The following ACVR2A variants were observed in gnomAD, a reference collection of about 807,000 sequenced individuals.
ACVR2A encodes activin receptor type-2A.
Under a neutral mutation model 61.4 loss-of-function variants are expected in ACVR2A, and 7 were observed. The ratio of observed to expected loss-of-function variants is 0.11; its 90% CI spans 0.06 to 0.21. The LOEUF (loss-of-function observed/expected upper bound fraction) is 0.21. ACVR2A is among the 10% of genes least tolerant of loss of function. The probability of loss-of-function intolerance (pLI) is 1.00; values close to 1 mark genes in which losing one functional copy is unlikely to be tolerated. For synonymous variants in ACVR2A, 193 were observed against 208.3 expected, an observed-to-expected ratio of 0.93 and a Z score of 0.63; for missense variants, 322 against 621.7, an observed-to-expected ratio of 0.52 and a Z score of 5.13.
At chr2:147,882,670 T>C (rs1304622026) in intron 1 of ACVR2A, among the ~76,000 whole-genome samples, 1 of 152,230 alleles carries the variant, frequency 6.6e-6, no homozygotes, top group Non-Finnish European at 1.5e-5. Context: ...CCACAACATA[T>C]AATGTTTATA....
At chr2:147,848,593 T>A (rs1175405577) in intron 1 of ACVR2A, among the ~76,000 whole-genome samples, 2 of 151,950 alleles carry the variant, frequency 1.3e-5, no homozygotes, top group African/African-American at 2.4e-5. Context: ...TTCCTATAAG[T>A]AGGAGCAAAA....
chr2:147,899,832 C>T lies in ACVR2A; in HGVS notation c.462C>T (p.Val154=). 6.2e-7 allele frequency: 1 copy of T among 1,613,730 alleles called. No homozygotes were observed. Among genetic ancestry groups the T allele is most frequent in the Non-Finnish European group, 8.5e-7 (1 of 1,179,756 alleles). The change falls in exon 4 of 11, where the codon GTC becomes GTT. Residue 154 remains valine (V), a synonymous_variant. Coordinates refer to ENST00000241416, the MANE Select transcript of ACVR2A (RefSeq NM_001616.5). ...CACTTATGTTAATTGCGGGGATTGT[C>T]ATTTGTGCATTTTGGGTGTACAGGC... The part of the protein sequence containing the change: ...LVPLMLIAGI[V]ICAFWVYRHH...
intron 4 of ACVR2A, among the ~76,000 whole-genome samples, chr2:147,908,038 C>CAA (rs1200221673): frequency 2.8e-4 from 19 of 66,998 alleles, no homozygotes; most frequent in Admixed American, 7.9e-4. Flanking sequence ...GACTCTGTTT[C>CAA]AAAAAAAAAA....
chr2:147,918,491 T>A lies in ACVR2A; in HGVS notation c.861T>A (p.Asn287Lys), dbSNP rs1687305851. 2 of 1,612,358 alleles carry A rather than the reference T, an allele frequency of 1.2e-6. No homozygotes were observed. The highest frequency in any genetic ancestry group is 2.7e-5 in the African/African-American group (2 of 74,810). Residue 287 changes from asparagine (N) to lysine (K), a missense_variant, in exon 7 of 11, where the codon AAT (asparagine) becomes AAA (lysine). Physicochemically the swap from Asn to Lys is moderately conservative, Grantham distance 94. Coordinates refer to ENST00000241416, the MANE Select transcript of ACVR2A (RefSeq NM_001616.5). Reference protein sequence around the residue: ...DFLKANVVSWNELCHIAETMA... With the variant: ...DFLKANVVSWKELCHIAETMA... ...TTAAGGCTAATGTGGTCTCTTGGAA[T>A]GAACTGTGTCATATTGCAGAAACCA...
chr2:147,852,682 T>A (rs1344841568), intron 1 of ACVR2A, among the ~76,000 whole-genome samples: 1 of 152,060 alleles, frequency 6.6e-6, no homozygotes, highest in Non-Finnish European at 1.5e-5. Flanking sequence ...CATTAGATTG[T>A]AATTTTGGGG....
chr2:147,906,612 G>C (rs970378902), intron 4 of ACVR2A, among the ~76,000 whole-genome samples: 1 of 152,098 alleles, frequency 6.6e-6, no homozygotes, highest in African/African-American at 2.4e-5. Context: ...ACTGTTATTG[G>C]TGTTAGAGTA....
rs1687586018 is a variant in ACVR2A at position 147,929,060 on chromosome 2, TA to T, written c.*1789del. On this transcript the variant is annotated 3_prime_UTR_variant, in exon 11 of 11. Transcript: ENST00000241416. ...AATAGTAAATTAATTATGTTATTTA[TA>T]AACAATACATAGGTCAACAGACTTT... is the stretch of plus-strand genomic sequence containing the variant. 6.6e-6 allele frequency: 1 copy of T among 152,430 alleles called. No homozygotes were observed. Among genetic ancestry groups the T allele is most frequent in the Non-Finnish European group, 1.5e-5 (1 of 67,944 alleles). 9.4% of individuals were successfully genotyped at this position (152,430 alleles called of 1,614,324 possible). A position where few individuals can be genotyped will look rare whatever the true frequency, so the allele number is the denominator to read the frequency against.
chr2:147,846,799 A>G (rs927023481), intron 1 of ACVR2A, among the ~76,000 whole-genome samples: 1 of 152,096 alleles, frequency 6.6e-6, no homozygotes, highest in Non-Finnish European at 1.5e-5. Context: ...CTCTGCTTCT[A>G]TATGTTGTGG....
Position 147,928,193 on chromosome 2 carries a change from A to ATATT in ACVR2A, c.*921_*924dup, listed in dbSNP as rs1687552382. On this transcript the variant is annotated 3_prime_UTR_variant, in exon 11 of 11. Coordinates refer to ENST00000241416, the MANE Select transcript of ACVR2A (RefSeq NM_001616.5). ...TTTTTAGGTGTGCTGTGTTTGGGGA[A>ATATT]TATTTGAAAATTTAAAGCATGATTT... The ATATT allele has an allele frequency of 6.6e-6, 1 of 152,348 alleles. No individual in the cohort carries two copies. Among genetic ancestry groups the ATATT allele is most frequent in the Admixed American group, 6.6e-5 (1 of 15,184 alleles). The allele number at this position is 152,348 out of a possible 1,614,324, so 9.4% of individuals were successfully genotyped here.
chr2:147,867,382 T>C (rs1014082306), intron 1 of ACVR2A, among the ~76,000 whole-genome samples: 1 of 152,158 alleles, frequency 6.6e-6, no homozygotes, highest in Admixed American at 6.5e-5. Context: ...TTGAAACCAT[T>C]TGGAGCCAGA....
chr2:147,876,610 A>G (rs1686161797), intron 1 of ACVR2A, among the ~76,000 whole-genome samples: 1 of 152,176 alleles, frequency 6.6e-6, no homozygotes, highest in African/African-American at 2.4e-5. Flanking sequence ...TCAGAATTAC[A>G]AGGGCTTTTA....
intron 4 of ACVR2A, among the ~76,000 whole-genome samples, chr2:147,906,333 C>T (rs1026171850): frequency 3.3e-5 from 5 of 152,110 alleles, no homozygotes; most frequent in African/African-American, 1.2e-4. Flanking sequence ...TGCCAGGCAC[C>T]ATGCTGTGTG....
intron 4 of ACVR2A, among the ~76,000 whole-genome samples, chr2:147,909,119 G>A (rs1398895116): frequency 1.3e-5 from 2 of 152,070 alleles, no homozygotes; most frequent in African/African-American, 4.8e-5. Context: ...AGGAAACTAG[G>A]ATGTCTCAAC....
intron 1 of ACVR2A, among the ~76,000 whole-genome samples, chr2:147,867,254 T>C (rs887743510): frequency 2.0e-5 from 3 of 152,216 alleles, no homozygotes; most frequent in Middle Eastern, 3.4e-3. Context: ...CTATTACTTT[T>C]CAAGAAATGT....
chr2:147,848,089 G>A (rs1448160332), intron 1 of ACVR2A, among the ~76,000 whole-genome samples: 3 of 152,216 alleles, frequency 2.0e-5, no homozygotes, highest in Non-Finnish European at 4.4e-5. Context: ...ATGTGTGAAT[G>A]TATGTGTGGT....
chr2:147,870,317 T>C (rs1266950091), intron 1 of ACVR2A, among the ~76,000 whole-genome samples: 1 of 152,194 alleles, frequency 6.6e-6, no homozygotes, highest in African/African-American at 2.4e-5. Flanking sequence ...ATCTTTGTTA[T>C]TAATTTAATA....
intron 4 of ACVR2A, among the ~76,000 whole-genome samples, chr2:147,910,509 A>C (rs1185754337): frequency 6.6e-6 from 1 of 152,174 alleles, no homozygotes; most frequent in Non-Finnish European, 1.5e-5. Context: ...AATCATTATC[A>C]CAGGAAGAAA....
At chr2:147,870,105 A>T (rs1210840118) in intron 1 of ACVR2A, among the ~76,000 whole-genome samples, 1 of 140,764 alleles carries the variant, frequency 7.1e-6, no homozygotes, top group Non-Finnish European at 1.5e-5. Context: ...TATGTGGGGG[A>T]TGTGAAGGTG....
intron 1 of ACVR2A, among the ~76,000 whole-genome samples, chr2:147,854,852 A>G (rs903374956): frequency 1.3e-5 from 2 of 152,040 alleles, no homozygotes; most frequent in South Asian, 4.1e-4. Context: ...TATTTGCCTT[A>G]TCACATATCA....
Sources: allele counts gnomAD v4.1 joint callset (sites outside exome capture counted in the v4.1 genomes callset), GRCh38; gene constraint gnomAD v4.1.1; transcripts MANE v1.5; gene names NCBI Gene and HGNC (gene_info 2026-07-23, HGNC 2026-07-21).